The following NTM variants were observed in gnomAD, a reference collection of about 807,000 sequenced individuals.
NTM encodes neurotrimin, also known as IgLON family member 2.
A neutral mutation model predicts 42.1 loss-of-function variants in NTM; 13 were observed. That is an observed-to-expected ratio of 0.31 (90% CI 0.20 to 0.49). NTM has a LOEUF of 0.49. NTM is among the 20% of genes least tolerant of loss of function. The pLI is 0.99. For missense variants in NTM, 373 were observed against 452.8 expected, an observed-to-expected ratio of 0.82 and a Z score of 1.60; for synonymous variants, 187 against 179.2, an observed-to-expected ratio of 1.04 and a Z score of -0.35.
chr11:131,786,344 C>G (rs2089211331), intron 1 of NTM, among the ~76,000 whole-genome samples: 1 of 152,182 alleles, frequency 6.6e-6, no homozygotes, highest in African/African-American at 2.4e-5. Flanking sequence ...GTCACCTGTG[C>G]ATTGGGGTTA....
At chr11:131,942,488 G>A (rs1017310458) in intron 2 of NTM, among the ~76,000 whole-genome samples, 3 of 152,286 alleles carry the variant, frequency 2.0e-5, no homozygotes, top group East Asian at 1.9e-4. Context: ...AAGCAAGGGG[G>A]CTGGGAAAGG....
At chr11:131,874,828 C>T (rs2048330452) in intron 1 of NTM, among the ~76,000 whole-genome samples, 1 of 152,214 alleles carries the variant, frequency 6.6e-6, no homozygotes, top group Non-Finnish European at 1.5e-5. Context: ...TACCAATTCT[C>T]AACCCTTATC....
chr11:131,416,388 G>A (rs546337820), intron 1 of NTM, among the ~76,000 whole-genome samples: 10 of 152,082 alleles, frequency 6.6e-5, no homozygotes, highest in East Asian at 5.8e-4. Context: ...CATTTGCTGC[G>A]TTACAGGAAC....
intron 1 of NTM, among the ~76,000 whole-genome samples, chr11:131,839,900 A>G (rs998013703): frequency 1.3e-5 from 2 of 152,214 alleles, no homozygotes; most frequent in Non-Finnish European, 2.9e-5. Context: ...AGAGAGACAC[A>G]TGACTTCCAA....
At chr11:132,098,642 G>T (rs1209100494) in intron 2 of NTM, among the ~76,000 whole-genome samples, 3 of 152,232 alleles carry the variant, frequency 2.0e-5, no homozygotes, top group Non-Finnish European at 4.4e-5. Flanking sequence ...CTGGCTACTA[G>T]CCCATAAAGT....
At chr11:132,130,860 A>G (rs549402423) in intron 2 of NTM, among the ~76,000 whole-genome samples, 1 of 152,290 alleles carries the variant, frequency 6.6e-6, no homozygotes, top group Admixed American at 6.5e-5. Flanking sequence ...AGACATTACC[A>G]TTGTCCTGTA....
chr11:132,265,142 T>G (rs1374871538), intron 4 of NTM, among the ~76,000 whole-genome samples: 2 of 152,192 alleles, frequency 1.3e-5, no homozygotes, highest in Non-Finnish European at 2.9e-5. Context: ...CTCGTAGTAT[T>G]GTCTTTTAAA....
intron 1 of NTM, among the ~76,000 whole-genome samples, chr11:131,571,485 A>G (rs2057432394): frequency 6.6e-6 from 1 of 152,214 alleles, no homozygotes; most frequent in Non-Finnish European, 1.5e-5. Flanking sequence ...CTCCCAGGCA[A>G]GCTCTTAGCA....
chr11:131,527,057 C>T (rs887706079), intron 1 of NTM, among the ~76,000 whole-genome samples: 11 of 152,168 alleles, frequency 7.2e-5, no homozygotes. Context: ...GTCAGCCTGG[C>T]AACCTCTTAC....
intron 1 of NTM, among the ~76,000 whole-genome samples, chr11:131,517,643 T>C (rs2049067283): frequency 6.6e-6 from 1 of 152,194 alleles, no homozygotes; most frequent in Admixed American, 6.5e-5. Flanking sequence ...CAGACTCTGG[T>C]CTAGTTTCTT....
intron 1 of NTM, among the ~76,000 whole-genome samples, chr11:131,533,363 G>A (rs553574352): frequency 7.9e-5 from 12 of 152,338 alleles, no homozygotes; most frequent in Admixed American, 7.8e-4. Context: ...TAAGGAACTG[G>A]GAAAGGGTGA....
chr11:131,857,357 C>T (rs2046205689), intron 1 of NTM, among the ~76,000 whole-genome samples: 1 of 152,176 alleles, frequency 6.6e-6, no homozygotes, highest in Non-Finnish European at 1.5e-5. Flanking sequence ...TTTCTCACAT[C>T]ATGTCTTGGC....
At chr11:132,159,420 GA>G (rs1368542912) in intron 3 of NTM, among the ~76,000 whole-genome samples, 1 of 152,108 alleles carries the variant, frequency 6.6e-6, no homozygotes, top group African/African-American at 2.4e-5. Context: ...ACAAATAAGG[GA>G]AAAAATGTGC....
intron 1 of NTM, among the ~76,000 whole-genome samples, chr11:131,722,608 A>G (rs972286401): frequency 2.0e-5 from 3 of 152,192 alleles, no homozygotes; most frequent in African/African-American, 7.2e-5. Context: ...GCTTTCTGAT[A>G]GATCCTGTTG....
chr11:131,851,335 T>C (rs1201642283), intron 1 of NTM, among the ~76,000 whole-genome samples: 2 of 152,074 alleles, frequency 1.3e-5, no homozygotes, highest in Admixed American at 6.5e-5. Flanking sequence ...ATTTCAGGTA[T>C]AAAGCTGAAA....
chr11:132,280,163 G>C (rs142169464), intron 4 of NTM, among the ~76,000 whole-genome samples: 1 of 152,196 alleles, frequency 6.6e-6, no homozygotes, highest in Non-Finnish European at 1.5e-5. Flanking sequence ...CTCAACCGAG[G>C]TCATCAGAGA....
intron 2 of NTM, among the ~76,000 whole-genome samples, chr11:131,945,124 C>A (rs144728870): frequency 2.6e-5 from 4 of 152,238 alleles, no homozygotes; most frequent in East Asian, 3.9e-4. Flanking sequence ...TAAAGGTTTG[C>A]GGTATTTTCC....
intron 1 of NTM, among the ~76,000 whole-genome samples, chr11:131,552,352 C>T (rs945929862): frequency 6.6e-6 from 1 of 152,102 alleles, no homozygotes; most frequent in Admixed American, 6.5e-5. Flanking sequence ...ATATGCATGC[C>T]ATATGGCCCA....
Position 131,710,334 on chromosome 11 carries a change from G to C in NTM, c.83-201230G>C, listed in dbSNP as rs149824191. On this transcript the variant is annotated intron_variant, in intron 1 of 8. Coordinates refer to ENST00000683400, the MANE Select transcript of NTM (RefSeq NM_001352005.2). ...TACCCATGATATCTTGTTGTATGCA[G>C]TGCATAACACCAAGAATATTTAAGG... is the stretch of plus-strand genomic sequence containing the variant. Among the ~76,000 whole-genome samples, 249 of 152,162 alleles carry C rather than the reference G, an allele frequency of 1.6e-3. 1 individual carries two copies. Among genetic ancestry groups the C allele is most frequent in the African/African-American group, 5.7e-3 (236 of 41,498 alleles).
Sources: allele counts gnomAD v4.1 joint callset (sites outside exome capture counted in the v4.1 genomes callset), GRCh38; gene constraint gnomAD v4.1.1; transcripts MANE v1.5; gene names NCBI Gene and HGNC (gene_info 2026-07-23, HGNC 2026-07-21).